ZNF385D: variants seen among roughly 807,000 people sequenced by gnomAD.
ZNF385D encodes zinc finger protein 659.
In ZNF385D, 15 loss-of-function variants were observed where a neutral mutation model predicts 35.8. The observed-to-expected ratio is 0.42, with a 90% CI of 0.28 to 0.64. The LOEUF (loss-of-function observed/expected upper bound fraction) is 0.64, where lower values mean the gene tolerates loss of function less well. Ranked by LOEUF, ZNF385D falls within the 30% of genes least tolerant of loss-of-function variation. The probability of loss-of-function intolerance (pLI) is 0.23; values close to 1 mark genes in which losing one functional copy is unlikely to be tolerated. For missense variants in ZNF385D, 474 were observed against 494.6 expected (o/e 0.96, Z 0.39); for synonymous variants, 212 against 186.8 (o/e 1.13, Z -1.10).
chr3:22,041,970 A>C (rs1559327014), intron 3 of ZNF385D, among the ~76,000 whole-genome samples: 1 of 152,302 alleles, frequency 6.6e-6, no homozygotes, highest in East Asian at 1.9e-4. Flanking sequence ...TAAGACCAGT[A>C]TAAACTTTTA....
At chr3:21,628,291 T>G (rs542820756) in intron 2 of ZNF385D, among the ~76,000 whole-genome samples, 2 of 152,220 alleles carry the variant, frequency 1.3e-5, no homozygotes, top group Non-Finnish European at 2.9e-5. Flanking sequence ...CAAGCAACAA[T>G]CTTGCTTTTC....
intron 2 of ZNF385D, among the ~76,000 whole-genome samples, chr3:22,171,945 C>G (rs957340805): frequency 6.6e-6 from 1 of 151,122 alleles, no homozygotes; most frequent in Non-Finnish European, 1.5e-5. Context: ...AAATGGCACT[C>G]TCTGAAGTAG....
chr3:21,515,968 T>G (rs774482641), intron 3 of ZNF385D, among the ~76,000 whole-genome samples: 10 of 152,224 alleles, frequency 6.6e-5, no homozygotes, highest in Admixed American at 5.9e-4. Flanking sequence ...TCTTTTGAGA[T>G]GTTTTTCAGA....
chr3:22,105,116 G>A (rs568216842), intron 3 of ZNF385D, among the ~76,000 whole-genome samples: 6 of 152,162 alleles, frequency 3.9e-5, no homozygotes. Context: ...CACTTTTACA[G>A]TCTAATGTAC....
At chr3:21,792,120 C>A (rs2071955477) in intron 3 of ZNF385D, among the ~76,000 whole-genome samples, 1 of 152,182 alleles carries the variant, frequency 6.6e-6, no homozygotes, top group South Asian at 2.1e-4. Context: ...GGACTTCTTT[C>A]ATCAATAAAT....
At chr3:22,252,585 G>A (rs1332311852) in intron 2 of ZNF385D, among the ~76,000 whole-genome samples, 1 of 152,022 alleles carries the variant, frequency 6.6e-6, no homozygotes, top group East Asian at 1.9e-4. Flanking sequence ...TGTGCATTGT[G>A]CTAAGTATTT....
chr3:21,508,891 G>A (rs1033209710), intron 4 of ZNF385D, among the ~76,000 whole-genome samples: 6 of 151,554 alleles, frequency 4.0e-5, no homozygotes, highest in East Asian at 1.9e-4. Flanking sequence ...CTAGGTTGAC[G>A]TATTCTAGTC....
intron 2 of ZNF385D, among the ~76,000 whole-genome samples, chr3:22,237,379 G>A (rs1433276170): frequency 2.0e-5 from 3 of 151,656 alleles, no homozygotes; most frequent in Admixed American, 2.0e-4. Context: ...TTTATTATTG[G>A]GTTGTGTTAT....
chr3:21,755,565 T>A (rs2070303386), upstream of ZNF385D, among the ~76,000 whole-genome samples: 1 of 152,188 alleles, frequency 6.6e-6, no homozygotes, highest in African/African-American at 2.4e-5. Flanking sequence ...CTGAGAACAT[T>A]TTTCTCACCA....
intron 3 of ZNF385D, among the ~76,000 whole-genome samples, chr3:21,975,752 T>TATATATAC (rs1703574636): frequency 9.4e-6 from 1 of 106,178 alleles, no homozygotes; most frequent in Admixed American, 9.1e-5. Flanking sequence ...TATATATATA[T>TATATATAC]ATACACACAC....
At chr3:22,339,842 C>T (rs577402532) in intron 2 of ZNF385D, among the ~76,000 whole-genome samples, 2 of 152,234 alleles carry the variant, frequency 1.3e-5, no homozygotes, top group African/African-American at 2.4e-5. Flanking sequence ...TGATACTGAT[C>T]GACATCCGCT....
At chr3:22,044,851 T>C (rs920958785) in intron 3 of ZNF385D, among the ~76,000 whole-genome samples, 10 of 152,012 alleles carry the variant, frequency 6.6e-5, no homozygotes, top group Non-Finnish European at 1.5e-4. Context: ...AATGAACTCA[T>C]CCTCTTTGTG....
At chr3:22,310,977 TATCA>T (rs1703509235) in intron 2 of ZNF385D, among the ~76,000 whole-genome samples, 1 of 151,932 alleles carries the variant, frequency 6.6e-6, no homozygotes, top group African/African-American at 2.4e-5. Context: ...ATGAAAAATT[TATCA>T]ATCTTTTCCT....
At chr3:21,784,609 T>A (rs2071614879) in intron 3 of ZNF385D, among the ~76,000 whole-genome samples, 1 of 151,958 alleles carries the variant, frequency 6.6e-6, no homozygotes, top group Admixed American at 6.6e-5. Flanking sequence ...GCACTAAACA[T>A]CTCAGTGGTC....
At chr3:21,488,659 G>A (rs1244414994) in intron 4 of ZNF385D, among the ~76,000 whole-genome samples, 7 of 151,978 alleles carry the variant, frequency 4.6e-5, no homozygotes, top group South Asian at 2.1e-4. Context: ...CTGAATCTCA[G>A]CTTTCTGTCC....
intron 4 of ZNF385D, among the ~76,000 whole-genome samples, chr3:21,497,089 C>T (rs1705958323): frequency 6.6e-6 from 1 of 152,046 alleles, no homozygotes; most frequent in African/African-American, 2.4e-5. Context: ...GCATCTAAAT[C>T]AGAAGAGAAG....
intron 2 of ZNF385D, among the ~76,000 whole-genome samples, chr3:22,296,478 T>C (rs991721300): frequency 4.6e-5 from 7 of 152,058 alleles, no homozygotes; most frequent in African/African-American, 1.4e-4. Flanking sequence ...CTAATGCCTA[T>C]GAAAGATAAA....
chr3:21,556,068 GTTTTTT>G lies in ZNF385D; in HGVS notation c.276+8500_276+8505del, dbSNP rs148079775. Among the ~76,000 whole-genome samples the G allele has an allele frequency of 5.7e-3, 563 of 99,070 alleles. 6 individuals carry two copies. The highest frequency in any genetic ancestry group is 5.2e-3 in the Non-Finnish European group (268 of 51,264). 65.0% of individuals were successfully genotyped at this position (99,070 alleles called of 152,430 possible). A position where few individuals can be genotyped will look rare whatever the true frequency, so the allele number is the denominator to read the frequency against. On this transcript the variant is annotated intron_variant, in intron 3 of 7. Transcript: ENST00000281523. Reference sequence around the variant, plus strand: ...ACTTTTTGACGTTTTTTTTGTTTTTGTTTTTTTTTTTTTTTTTTTGTAAATTTAAGT... The same window carrying G: ...ACTTTTTGACGTTTTTTTTGTTTTTGTTTTTTTTTTTTTGTAAATTTAAGT...
chr3:21,532,699 T>G (rs575079280), intron 3 of ZNF385D, among the ~76,000 whole-genome samples: 1 of 150,448 alleles, frequency 6.6e-6, no homozygotes, highest in Non-Finnish European at 1.5e-5. Context: ...AAAAAACAGA[T>G]CTAGTAACTT....
Sources: gnomAD v4.1 joint callset for allele counts (sites outside exome capture counted in the v4.1 genomes callset) on GRCh38, gnomAD v4.1.1 for gene constraint, MANE v1.5 for transcripts, NCBI Gene and HGNC (gene_info 2026-07-23, HGNC 2026-07-21) for gene names.